SPARCL1: variants seen among roughly 807,000 people sequenced by gnomAD.
The protein encoded by SPARCL1 is SPARC-like protein 1.
In SPARCL1, 52 loss-of-function variants were observed where a neutral mutation model predicts 67.1. That is an observed-to-expected ratio of 0.78 (90% CI 0.62 to 0.98). SPARCL1 has a LOEUF of 0.98. Ranked by LOEUF, SPARCL1 falls within the 50% of genes least tolerant of loss-of-function variation. The pLI is 0.00. For synonymous variants in SPARCL1, 226 were observed against 267.8 expected, an observed-to-expected ratio of 0.84 and a Z score of 1.52; for missense variants, 717 against 782.4, an observed-to-expected ratio of 0.92 and a Z score of 1.00.
chr4:87,496,194 AT>A (rs1267884753), intron 2 of SPARCL1, among the ~76,000 whole-genome samples: 1 of 152,058 alleles, frequency 6.6e-6, no homozygotes, highest in East Asian at 1.9e-4. Context: ...AATATTTTTT[AT>A]TAATTAAAAA....
intron 7 of SPARCL1, among the ~76,000 whole-genome samples, chr4:87,486,483 A>G (rs957840010): frequency 9.2e-5 from 14 of 152,118 alleles, no homozygotes; most frequent in Non-Finnish European, 1.5e-5. Flanking sequence ...ACTTTCAATT[A>G]TTTGGTGAAT....
At position 87,510,461 on chromosome 4, in the gene SPARCL1, C is replaced by T. The variant is rs931255453; in HGVS notation, c.-11-10876G>A. Among the ~76,000 whole-genome samples, 7 of 152,140 alleles carry T rather than the reference C, an allele frequency of 4.6e-5. No individual in the cohort carries two copies. In the South Asian group the frequency reaches 6.2e-4, roughly 14 times the overall value. ...TTCCAAAACTACCTACGGCCTGCCCCGTCCCCATCCTGTGCCCATAAAGAC... is the reference window on the plus strand; with the variant it reads ...TTCCAAAACTACCTACGGCCTGCCCTGTCCCCATCCTGTGCCCATAAAGAC... On this transcript the variant is annotated intron_variant, in intron 1 of 10. Transcript: ENST00000282470.
At position 87,494,075 on chromosome 4, in the gene SPARCL1, T is replaced by C; in HGVS notation, c.725A>G (p.Asp242Gly). The change falls in exon 4 of 11, where the codon GAT becomes GGT. Residue 242 changes from aspartate to glycine, a missense_variant. By Grantham distance (94) the Asp-to-Gly change is moderately conservative (BLOSUM62 -1). Transcript: ENST00000282470. ...TGGTTGATCAGACTCTTCCAAAATA[T>C]CATCAGATTGGGTATTGTCTTCCTC... is the stretch of plus-strand genomic sequence containing the variant. ...KQEEDNTQSD[D>G]ILEESDQPTQ... The C allele has an allele frequency of 4.3e-6, 7 of 1,614,060 alleles. No individual in the cohort carries two copies. The highest frequency in any genetic ancestry group is 5.9e-6 in the Non-Finnish European group (7 of 1,180,036).
intron 1 of SPARCL1, among the ~76,000 whole-genome samples, chr4:87,502,180 C>T (rs866307643): frequency 3.9e-5 from 6 of 152,024 alleles, no homozygotes; most frequent in African/African-American, 1.2e-4. Context: ...TGACAAATAA[C>T]AATTATACAT....
At chr4:87,486,059 A>G (rs542929596) in intron 7 of SPARCL1, among the ~76,000 whole-genome samples, 26 of 151,540 alleles carry the variant, frequency 1.7e-4, no homozygotes, top group Non-Finnish European at 3.8e-4. Flanking sequence ...TCGTGTCTCT[A>G]TCTCCTTCAG....
In SPARCL1 at chr4:87,480,504, A is replaced by C; in HGVS notation, c.1685T>G (p.Leu562Arg). The C allele has an allele frequency of 1.2e-6, 2 of 1,609,554 alleles. No individual in the cohort carries two copies. Among genetic ancestry groups the C allele is most frequent in the South Asian group, 2.2e-5 (2 of 89,766 alleles). Residue 562 changes from leucine to arginine, a missense_variant, in exon 9 of 11, where the codon CTG (leucine) becomes CGG (arginine). By Grantham distance (102) the Leu-to-Arg change is moderately radical. Coordinates refer to ENST00000282470, the MANE Select transcript of SPARCL1 (RefSeq NM_004684.6). Reference sequence around the variant, plus strand: ...CCCAGCCAAAAGCCTCTTTTCATCCAGGTAAATTTTCTTGACCTGGGATTA... The same window carrying C: ...CCCAGCCAAAAGCCTCTTTTCATCCCGGTAAATTTTCTTGACCTGGGATTA... ...KQRNKVKKIY[L>R]DEKRLLAGDH...
intron 10 of SPARCL1, among the ~76,000 whole-genome samples, chr4:87,475,539 G>T (rs2110208173): frequency 6.6e-6 from 1 of 152,140 alleles, no homozygotes; most frequent in South Asian, 2.1e-4. Flanking sequence ...TCCCTTCCCT[G>T]GTGTCAATTA....
At chr4:87,505,674 A>T (rs976272731) in intron 1 of SPARCL1, among the ~76,000 whole-genome samples, 3 of 149,868 alleles carry the variant, frequency 2.0e-5, no homozygotes, top group African/African-American at 7.4e-5. Flanking sequence ...CCTGCCTCAG[A>T]CTCTCAAGTA....
intron 2 of SPARCL1, among the ~76,000 whole-genome samples, chr4:87,498,378 G>A (rs1432408402): frequency 6.6e-6 from 1 of 152,080 alleles, no homozygotes; most frequent in African/African-American, 2.4e-5. Context: ...CAGAATTTTA[G>A]ACCTAGAGAA....
intron 1 of SPARCL1, among the ~76,000 whole-genome samples, chr4:87,526,718 C>T (rs1463108610): frequency 2.6e-5 from 4 of 152,188 alleles, no homozygotes; most frequent in Non-Finnish European, 4.4e-5. Context: ...TAGAGCAAAA[C>T]GTATAAGTAC....
intron 5 of SPARCL1, 141 bp downstream of exon 5, chr4:87,491,477 A>G: frequency 1.3e-6 from 1 of 742,706 alleles, no homozygotes; most frequent in Non-Finnish European, 2.4e-6. Context: ...TCAACAATTT[A>G]TGGGAGCATT....
At chr4:87,494,742 A>T in intron 3 of SPARCL1, 144 bp from the exon 4 acceptor site, 1 of 877,356 alleles carries the variant, frequency 1.1e-6, no homozygotes, top group Non-Finnish European at 1.7e-6. Flanking sequence ...CTCTGTAGCC[A>T]CAGGTTTAAA....
chr4:87,504,466 A>T (rs1489539974), intron 1 of SPARCL1, among the ~76,000 whole-genome samples: 3 of 152,158 alleles, frequency 2.0e-5, no homozygotes, highest in African/African-American at 7.2e-5. Context: ...GGGTTTACCA[A>T]ATAAATTTAC....
chr4:87,480,211 A>C lies in SPARCL1; in HGVS notation c.1817+161T>G, dbSNP rs533076930. 2.0e-5 allele frequency among the ~76,000 whole-genome samples: 3 copies of C among 152,298 alleles called. No homozygotes were observed. The South Asian group carries it at 6.2e-4, about 32-fold the overall frequency. The stretch of plus-strand genomic sequence containing the variant: ...TATACCTTAAGTTCTAGAGTACATC[A>C]TACACAGCAGCTTTGTGTTTAGACT... On this transcript the variant is annotated intron_variant, in intron 9 of 10. Transcript: ENST00000282470.
Position 87,498,045 on chromosome 4 carries a change from C to A in SPARCL1, c.54+1476G>T, listed in dbSNP as rs190068830. 4.6e-5 allele frequency among the ~76,000 whole-genome samples: 7 copies of A among 152,292 alleles called. No homozygotes were observed. The East Asian group carries it at 5.8e-4, about 13-fold the overall frequency. On this transcript the variant is annotated intron_variant, in intron 2 of 10. Coordinates refer to ENST00000282470, the MANE Select transcript of SPARCL1 (RefSeq NM_004684.6). ...AAGTGCTGGGATTATAGGTAGGAGC[C>A]ACTGTGCGTGGCCCAAAGACACTTT...
Position 87,493,834 on chromosome 4 carries a change from C to A in SPARCL1, c.966G>T (p.Met322Ile). 1 of 1,614,168 alleles carries A rather than the reference C, an allele frequency of 6.2e-7. No homozygotes were observed. Among genetic ancestry groups the A allele is most frequent in the African/African-American group, 1.3e-5 (1 of 75,042 alleles). ...TGGTATTACCATCATCAGTAGGTTC[C>A]ATGAGCAGAGCCTCAGAAACAGTCT... The part of the protein sequence containing the change: ...EEKTVSEALL[M>I]EPTDDGNTTP... Residue 322 changes from methionine (M) to isoleucine (I), a missense_variant, in exon 4 of 11, where the codon ATG becomes ATT. Physicochemically the swap from Met to Ile is conservative, Grantham distance 10 (BLOSUM62 1). Transcript: ENST00000282470.
At chr4:87,479,384 T>C (rs1242020920) in intron 10 of SPARCL1, 46 bp downstream of exon 10, 2 of 1,593,604 alleles carry the variant, frequency 1.3e-6, no homozygotes, top group Non-Finnish European at 1.7e-6. Context: ...TTAGGGCTTG[T>C]CTGAGGAAGA....
rs557537620 is a variant in SPARCL1 at position 87,494,659 on chromosome 4, A to G, written c.202-61T>C. ...GATAATGTAACCATATTTATGCCTA[A>G]GGTAACATTTAATATTCATTATTCT... On this transcript the variant is annotated intron_variant, in intron 3 of 10. Transcript: ENST00000282470. The G allele has an allele frequency of 3.6e-5, 47 of 1,306,240 alleles. No homozygotes were observed. In the African/African-American group the frequency reaches 6.8e-4, roughly 19 times the overall value. The allele number at this position is 1,306,240 out of a possible 1,614,324, so 80.9% of individuals were successfully genotyped here.
At chr4:87,507,903 A>T (rs1421176436) in intron 1 of SPARCL1, among the ~76,000 whole-genome samples, 1 of 152,200 alleles carries the variant, frequency 6.6e-6, no homozygotes, top group Non-Finnish European at 1.5e-5. Flanking sequence ...ACCTACTTAG[A>T]TTTACTGGTT....
Sources: allele counts gnomAD v4.1 joint callset (sites outside exome capture counted in the v4.1 genomes callset), GRCh38; gene constraint gnomAD v4.1.1; transcripts MANE v1.5; gene names NCBI Gene and HGNC (gene_info 2026-07-23, HGNC 2026-07-21).